Variants in PSMG4 observed in about 807,000 individuals in gnomAD.
The protein encoded by PSMG4 is proteasome (prosome, macropain) assembly chaperone 4.
In PSMG4, 10 loss-of-function variants were observed where a neutral mutation model predicts 11.0. The observed-to-expected ratio is 0.91, with a 90% CI of 0.56 to 1.54. The LOEUF is 1.54. Among genes scored for constraint, PSMG4 ranks in the 40% most tolerant of loss-of-function variants. The pLI is 0.00. For missense variants in PSMG4, 198 were observed against 160.9 expected (o/e 1.23, Z -1.25); for synonymous variants, 95 against 71.3 (o/e 1.33, Z -1.68).
intron 1 of PSMG4, among the ~76,000 whole-genome samples, chr6:3,259,515 G>C (rs1277056372): frequency 6.6e-6 from 1 of 152,216 alleles, no homozygotes. Flanking sequence ...TAGCTCTCCT[G>C]CCATCTGGAT....
At chr6:3,256,135 CAGG>C (rs1214710122), upstream of PSMG4, among the ~76,000 whole-genome samples, 1 of 152,204 alleles carries the variant, frequency 6.6e-6, no homozygotes, top group Non-Finnish European at 1.5e-5. Context: ...CCATCCTCCC[CAGG>C]ATGGAATACT....
At chr6:3,255,664 T>C (rs1214375196), upstream of PSMG4, among the ~76,000 whole-genome samples, 1 of 152,202 alleles carries the variant, frequency 6.6e-6, no homozygotes, top group Non-Finnish European at 1.5e-5. Flanking sequence ...TCCGAGAGCC[T>C]TAAGTGATTT....
chr6:3,260,101 G>A (rs1757921567), intron 1 of PSMG4, among the ~76,000 whole-genome samples: 1 of 47,966 alleles, frequency 2.1e-5, no homozygotes, highest in African/African-American at 7.1e-5. Flanking sequence ...CACCATACCT[G>A]GCTAATTGTG....
chr6:3,255,670 G>T (rs1047103663), upstream of PSMG4, among the ~76,000 whole-genome samples: 4 of 152,208 alleles, frequency 2.6e-5, no homozygotes, highest in African/African-American at 9.7e-5. Flanking sequence ...AGCCTTAAGT[G>T]ATTTGTATGA....
chr6:3,264,161 C>T (rs777177412), intron 2 of PSMG4: 37 of 1,548,428 alleles, frequency 2.4e-5, no homozygotes, highest in Non-Finnish European at 3.1e-5. Context: ...GAGCAGGTGT[C>T]ACCTCTGTGC....
chr6:3,261,956 C>G (rs72847872), intron 1 of PSMG4, among the ~76,000 whole-genome samples: 1 of 152,228 alleles, frequency 6.6e-6, no homozygotes. Context: ...TGGCACCAGA[C>G]GGTCTGTGAG....
At position 3,267,749 on chromosome 6, in the gene PSMG4, C is replaced by A; in HGVS notation, c.*37C>A. ...AAGTGAGAATTTGTAAACTTATGTA[C>A]AATGTACGTGTAAATAAATGGATTG... On this transcript the variant is annotated 3_prime_UTR_variant, in exon 3 of 3. Transcript: ENST00000438998. The A allele has an allele frequency of 6.5e-7, 1 of 1,543,288 alleles. No individual in the cohort carries two copies. The highest frequency in any genetic ancestry group is 1.4e-5 in the African/African-American group (1 of 72,876).
At chr6:3,261,976 C>T (rs1426583541) in intron 1 of PSMG4, among the ~76,000 whole-genome samples, 3 of 152,246 alleles carry the variant, frequency 2.0e-5, no homozygotes, top group Non-Finnish European at 2.9e-5. Context: ...GGTCTCTTCC[C>T]TCCAGCTTCC....
intron 2 of PSMG4, chr6:3,264,233 C>T (rs1200058256): frequency 6.4e-7 from 1 of 1,551,474 alleles, no homozygotes; most frequent in African/African-American, 1.4e-5. Context: ...ACTGGCCTGG[C>T]CTGTGAGTGT....
At chr6:3,260,281 ATATATATATATTTTT>A (rs1169269390) in intron 1 of PSMG4, among the ~76,000 whole-genome samples, 1 of 32,558 alleles carries the variant, frequency 3.1e-5, no homozygotes, top group African/African-American at 1.9e-4. Flanking sequence ...TAAATTGTAT[ATATATATATATTTTT>A]TTTTTTTTTT....
upstream of PSMG4, chr6:3,255,290 C>T (rs555107813): frequency 5.9e-6 from 9 of 1,531,800 alleles, no homozygotes; most frequent in Admixed American, 6.0e-5. Context: ...TCTATCGGTG[C>T]CCATCCTGGG....
chr6:3,255,841 TGTC>T (rs1757743352), upstream of PSMG4, among the ~76,000 whole-genome samples: 1 of 150,652 alleles, frequency 6.6e-6, no homozygotes, highest in East Asian at 2.0e-4. Flanking sequence ...TGTAAATGAA[TGTC>T]GTCCATCTCA....
chr6:3,257,700 CTG>C (rs1230298099), upstream of PSMG4, among the ~76,000 whole-genome samples: 1 of 152,136 alleles, frequency 6.6e-6, no homozygotes, highest in African/African-American at 2.4e-5. Flanking sequence ...GCAGACTAAT[CTG>C]TGTGGCAGGA....
chr6:3,267,055 A>G (rs1020021103), intron 2 of PSMG4: 2 of 151,852 alleles, frequency 1.3e-5, no homozygotes, highest in African/African-American at 4.8e-5. Context: ...CGGGGTTTCA[A>G]CGTGTTAGCC....
chr6:3,257,996 G>T (rs1757822892), upstream of PSMG4, among the ~76,000 whole-genome samples: 1 of 152,204 alleles, frequency 6.6e-6, no homozygotes, highest in Non-Finnish European at 1.5e-5. Context: ...ATCTATTAGA[G>T]ATTTTTAAAG....
chr6:3,254,823 C>T (rs866992587), upstream of PSMG4, among the ~76,000 whole-genome samples: 1 of 152,094 alleles, frequency 6.6e-6, no homozygotes, highest in Non-Finnish European at 1.5e-5. Flanking sequence ...CAATTCTGGA[C>T]ACAGTGGGAC....
intron 1 of PSMG4, among the ~76,000 whole-genome samples, chr6:3,262,496 G>A (rs1758026854): frequency 6.6e-6 from 1 of 152,144 alleles, no homozygotes; most frequent in African/African-American, 2.4e-5. Flanking sequence ...TTCTTCTCCT[G>A]TGTTTTTTGA....
At chr6:3,254,943 CAGCTGTT>C, upstream of PSMG4, 1 of 1,257,834 alleles carries the variant, frequency 8.0e-7, no homozygotes, top group Non-Finnish European at 1.1e-6. Context: ...CACTGGGTGT[CAGCTGTT>C]GGGTGTTGCA....
At chr6:3,258,579 T>G (rs141472230), upstream of PSMG4, among the ~76,000 whole-genome samples, 14 of 152,248 alleles carry the variant, frequency 9.2e-5, 1 homozygote, top group East Asian at 2.7e-3. Context: ...TTAATGTCTG[T>G]AGGGCGAAGT....
Sources: allele counts gnomAD v4.1 joint callset (sites outside exome capture counted in the v4.1 genomes callset), GRCh38; gene constraint gnomAD v4.1.1; transcripts MANE v1.5; gene names NCBI Gene and HGNC (gene_info 2026-07-23, HGNC 2026-07-21).